CASZ1: variants seen among roughly 807,000 people sequenced by gnomAD.
CASZ1 encodes the protein castor zinc finger 1, also known as zinc finger protein castor homolog 1.
A neutral mutation model predicts 135.2 loss-of-function variants in CASZ1; 28 were observed. That is an observed-to-expected ratio of 0.21 (90% CI 0.15 to 0.28). CASZ1 has a LOEUF of 0.28. Among genes scored for constraint, CASZ1 ranks in the 10% least tolerant of loss-of-function variants. CASZ1 has a pLI of 1.00. For synonymous variants in CASZ1, 1,068 were observed against 1,073.4 expected, an observed-to-expected ratio of 0.99 and a Z score of 0.10; for missense variants, 2,161 against 2,453.3, an observed-to-expected ratio of 0.88 and a Z score of 2.52.
At position 10,757,945 on chromosome 1, in the gene CASZ1, C is replaced by T. The variant is rs537190265; in HGVS notation, c.-77+2756G>A. Among the ~76,000 whole-genome samples, 2 of 152,340 alleles carry T rather than the reference C, an allele frequency of 1.3e-5. No homozygotes were observed. The highest frequency in any genetic ancestry group is 1.9e-4 in the East Asian group (1 of 5,188). ...CCCACCTCATCCACGTCCCCATCCA[C>T]GTCCTGGCCACTCTGCCTTTCTTTC... On this transcript the variant is annotated intron_variant, in intron 2 of 20. Transcript: ENST00000377022. The surrounding 1 kb of genome is among the most constrained non-coding windows in gnomAD (Gnocchi z 4.6).
chr1:10,670,985 C>A lies in CASZ1; in HGVS notation c.17-5414G>T, dbSNP rs906018598. On this transcript the variant is annotated intron_variant, in intron 4 of 20. Coordinates refer to ENST00000377022, the MANE Select transcript of CASZ1 (RefSeq NM_001079843.3). ...GCTCCCTAGGGGTTCAGCCAGGGCC[C>A]GAGGGGTTCAGCCGGGTCCCCTGGC... 2.0e-5 allele frequency among the ~76,000 whole-genome samples: 3 copies of A among 152,222 alleles called. No homozygotes were observed. The South Asian group carries it at 6.2e-4, about 32-fold the overall frequency.
chr1:10,708,971 AG>A (rs56961164), intron 2 of CASZ1, among the ~76,000 whole-genome samples: 16 of 24,358 alleles, frequency 6.6e-4, no homozygotes, highest in South Asian at 6.0e-3. Flanking sequence ...GAGGACGGGG[AG>A]GGGGGGGGCC....
intron 2 of CASZ1, among the ~76,000 whole-genome samples, chr1:10,754,030 C>A (rs931236759): frequency 6.6e-6 from 1 of 152,150 alleles, no homozygotes; most frequent in African/African-American, 2.4e-5. Flanking sequence ...GGTCTCCTTG[C>A]TTCTCCAACA....
At chr1:10,782,022 G>T (rs1640771571) in intron 1 of CASZ1, among the ~76,000 whole-genome samples, 1 of 152,232 alleles carries the variant, frequency 6.6e-6, no homozygotes, top group Non-Finnish European at 1.5e-5. Flanking sequence ...GCCACTGGGG[G>T]CACAGACACC....
At chr1:10,644,608 A>G (rs1325897474) in intron 18 of CASZ1, among the ~76,000 whole-genome samples, 1 of 152,216 alleles carries the variant, frequency 6.6e-6, no homozygotes, top group Non-Finnish European at 1.5e-5. Flanking sequence ...CGCCTTCTTG[A>G]TAAGAAAAGG....
At chr1:10,738,743 C>T (rs1362084364) in intron 2 of CASZ1, among the ~76,000 whole-genome samples, 4 of 152,194 alleles carry the variant, frequency 2.6e-5, no homozygotes, top group Non-Finnish European at 5.9e-5. Flanking sequence ...GGAGGCAGGC[C>T]TGTGCCTTTA....
At position 10,737,283 on chromosome 1, in the gene CASZ1, G is replaced by T. The variant is rs530652539; in HGVS notation, c.-77+23418C>A. ...TCATTAGCGGTGGAGGCACAGCCCC[G>T]CTCCAACCCTGGGCGTCCCCCTCAC... On this transcript the variant is annotated intron_variant, in intron 2 of 20. Coordinates refer to ENST00000377022, the MANE Select transcript of CASZ1 (RefSeq NM_001079843.3). Among the ~76,000 whole-genome samples the T allele has an allele frequency of 1.2e-4, 18 of 152,264 alleles. 1 individual carries two copies. The South Asian group carries it at 3.7e-3, about 32-fold the overall frequency.
intron 4 of CASZ1, among the ~76,000 whole-genome samples, chr1:10,672,223 C>A (rs1297849402): frequency 6.8e-6 from 1 of 147,464 alleles, no homozygotes; most frequent in Non-Finnish European, 1.5e-5. Context: ...CCCCGCCACC[C>A]CCTCCCCTCC....
intron 4 of CASZ1, among the ~76,000 whole-genome samples, chr1:10,687,996 C>T (rs932589718): frequency 3.9e-5 from 6 of 152,330 alleles, no homozygotes; most frequent in Admixed American, 6.5e-5. Context: ...ACTAAGAAGC[C>T]GGGGAGGCAC....
rs950854104 is a variant in CASZ1, at chr1:10,774,262, G to A, written c.-233-13405C>T. 3.9e-5 allele frequency among the ~76,000 whole-genome samples: 6 copies of A among 152,082 alleles called. No homozygotes were observed. The highest frequency in any genetic ancestry group is 2.1e-4 in the South Asian group (1 of 4,822). ...ACACACGGTATATCTCCTGACTCTCGGAGAATCGGGAACCATTTCAAAAGC... is the reference window on the plus strand; with the variant it reads ...ACACACGGTATATCTCCTGACTCTCAGAGAATCGGGAACCATTTCAAAAGC... On this transcript the variant is annotated intron_variant, in intron 1 of 20. Transcript: ENST00000377022. This position sits in a 1 kb window ranked among gnomAD's most constrained non-coding sequence, Gnocchi z 4.4.
intron 1 of CASZ1, among the ~76,000 whole-genome samples, chr1:10,795,022 G>T (rs1236705991): frequency 1.3e-5 from 2 of 152,068 alleles, no homozygotes; most frequent in Admixed American, 1.3e-4. Context: ...GCTGGCTTCG[G>T]AAAGAGAGAG....
chr1:10,746,519 C>A (rs1640044341), intron 2 of CASZ1, among the ~76,000 whole-genome samples: 1 of 152,232 alleles, frequency 6.6e-6, no homozygotes, highest in Admixed American at 6.5e-5. Context: ...GCCTTCCCAG[C>A]CCCATGGCTT....
At chr1:10,771,678 CTCCTCT>C (rs1475823998) in intron 1 of CASZ1, among the ~76,000 whole-genome samples, 13 of 151,940 alleles carry the variant, frequency 8.6e-5, no homozygotes, top group Non-Finnish European at 1.9e-4. Flanking sequence ...CCTCCTCCTC[CTCCTCT>C]TCCTCCTCCT....
Position 10,694,275 on chromosome 1 carries a change from C to T in CASZ1, c.-23-363G>A. On this transcript the variant is annotated intron_variant, in intron 3 of 20. Coordinates refer to ENST00000377022, the MANE Select transcript of CASZ1 (RefSeq NM_001079843.3). This position sits in a 1 kb window ranked among gnomAD's most constrained non-coding sequence, Gnocchi z 6.6. ...CCGAGACCGCGGCCCCCGGGCCTCC[C>T]CCGCCCGCGCCCGGTACTCACCATA... 1 of 1,056,194 alleles carries T rather than the reference C, an allele frequency of 9.5e-7. No individual in the cohort carries two copies. Among genetic ancestry groups the T allele is most frequent in the South Asian group, 2.8e-5 (1 of 35,194 alleles). The allele number at this position is 1,056,194 out of a possible 1,614,324, so 65.4% of individuals were successfully genotyped here.
intron 1 of CASZ1, among the ~76,000 whole-genome samples, chr1:10,764,787 G>A (rs945913422): frequency 3.9e-5 from 6 of 152,318 alleles, no homozygotes; most frequent in East Asian, 1.9e-4. Context: ...GTGCTCACAC[G>A]TCACAATGAA....
At chr1:10,678,814 CCT>C (rs1557498846) in intron 4 of CASZ1, among the ~76,000 whole-genome samples, 1 of 152,112 alleles carries the variant, frequency 6.6e-6, no homozygotes, top group African/African-American at 2.4e-5. Flanking sequence ...AAAATCCCCC[CCT>C]TTTGCTTTAA....
intron 4 of CASZ1, among the ~76,000 whole-genome samples, chr1:10,692,920 T>A (rs1272641729): frequency 6.6e-6 from 1 of 152,202 alleles, no homozygotes; most frequent in African/African-American, 2.4e-5. Context: ...TTGTTTCTTT[T>A]AAAACATTTA....
At position 10,724,393 on chromosome 1, in the gene CASZ1, A is replaced by C. The variant is rs1242883147; in HGVS notation, c.-76-18849T>G. Among the ~76,000 whole-genome samples the C allele has an allele frequency of 1.3e-5, 2 of 152,246 alleles. No homozygotes were observed. Among genetic ancestry groups the C allele is most frequent in the African/African-American group, 2.4e-5 (1 of 41,460 alleles). On this transcript the variant is annotated intron_variant, in intron 2 of 20. Coordinates refer to ENST00000377022, the MANE Select transcript of CASZ1 (RefSeq NM_001079843.3). This position sits in a 1 kb window ranked among gnomAD's most constrained non-coding sequence, Gnocchi z 4.1. ...GGCACCGAGTGTTTGCTTATTTACAAGGCTGTTTTAAAGGGTAGAAAGCAA... is the reference window on the plus strand; with the variant it reads ...GGCACCGAGTGTTTGCTTATTTACACGGCTGTTTTAAAGGGTAGAAAGCAA...
intron 20 of CASZ1, 23 bp downstream of exon 20, chr1:10,642,836 A>G (rs539367148): frequency 3.1e-6 from 5 of 1,609,148 alleles, no homozygotes; most frequent in South Asian, 1.1e-5. Flanking sequence ...TGGCCCTGCC[A>G]GCAGCCCCTG....
Sources: gnomAD v4.1 joint callset for allele counts (sites outside exome capture counted in the v4.1 genomes callset) on GRCh38, gnomAD v4.1.1 for gene constraint, Gnocchi (gnomAD v3.1) non-coding constraint, MANE v1.5 for transcripts, NCBI Gene and HGNC (gene_info 2026-07-23, HGNC 2026-07-21) for gene names.